The following GPC3 variants were observed in gnomAD, a reference collection of about 807,000 sequenced individuals.
GPC3 encodes the protein glypican 3.
In GPC3, 3 loss-of-function variants were observed where a neutral mutation model predicts 34.4. The observed-to-expected ratio is 0.09, with a 90% CI of 0.04 to 0.23. The LOEUF (loss-of-function observed/expected upper bound fraction) is 0.23. GPC3 is among the 10% of genes least tolerant of loss of function. The pLI is 1.00. For synonymous variants in GPC3, 177 were observed against 174.0 expected (o/e 1.02, Z -0.13); for missense variants, 351 against 445.6 (o/e 0.79, Z 1.91).
chrX:133,920,008 A>G (rs957624104), intron 2 of GPC3, among the ~76,000 whole-genome samples: 1 of 108,703 alleles, frequency 9.2e-6, no homozygotes, highest in Admixed American at 9.9e-5. Flanking sequence ...AAAAATTAAA[A>G]AAAAAAATTA....
intron 7 of GPC3, among the ~76,000 whole-genome samples, chrX:133,549,701 C>A (rs1356955042): frequency 3.3e-5 from 3 of 90,874 alleles, no homozygotes; most frequent in Non-Finnish European, 4.3e-5. Context: ...CTCCATCCTT[C>A]CCCCCTCTCC....
chrX:133,841,215 A>ATTTTTTTGTTTTTTTT (rs2075822514), intron 2 of GPC3, among the ~76,000 whole-genome samples: 1 of 39,248 alleles, frequency 2.5e-5, no homozygotes, highest in Non-Finnish European at 5.4e-5. Context: ...TAATCTTTTA[A>ATTTTTTTGTTTTTTTT]TTTTTTTTTT....
At chrX:133,767,959 C>A (rs184843195) in intron 2 of GPC3, among the ~76,000 whole-genome samples, 2 of 59,119 alleles carry the variant, frequency 3.4e-5, no homozygotes, top group Non-Finnish European at 6.3e-5. Flanking sequence ...AATAGGGTGG[C>A]GGGGTGGGGG....
chrX:133,554,595 GAGTCACCCCTGGTCACCTGCTTTGACCTA>G, intron 7 of GPC3, among the ~76,000 whole-genome samples: 1 of 110,638 alleles, frequency 9.0e-6, no homozygotes, highest in Non-Finnish European at 1.9e-5. Context: ...GCTTTGACCT[GAGTCACCCCTGGTCACCTGCTTTGACCTA>G]AGTCACCTTT....
intron 7 of GPC3, among the ~76,000 whole-genome samples, chrX:133,563,187 G>T (rs1344882983): frequency 1.8e-5 from 2 of 111,251 alleles, no homozygotes; most frequent in Non-Finnish European, 3.8e-5. Context: ...GGAAAAAAAA[G>T]GCAAGCTGAC....
chrX:133,769,901 A>G (rs2071895751), intron 2 of GPC3, among the ~76,000 whole-genome samples: 2 of 112,572 alleles, frequency 1.8e-5, no homozygotes, highest in Non-Finnish European at 3.8e-5. Flanking sequence ...ATGTAAGAGC[A>G]TACATGCAGG....
chrX:133,876,888 TGA>T (rs767114573), intron 2 of GPC3, among the ~76,000 whole-genome samples: 36 of 111,829 alleles, frequency 3.2e-4, no homozygotes, highest in Middle Eastern at 4.7e-3. Flanking sequence ...TTCCAAAAAA[TGA>T]GAGTCAACAA....
intron 3 of GPC3, among the ~76,000 whole-genome samples, chrX:133,701,658 A>G (rs1272679985): frequency 1.8e-5 from 2 of 112,085 alleles, no homozygotes; most frequent in Non-Finnish European, 3.8e-5. Context: ...TTGTGCGTCT[A>G]AGTTAGGTGA....
chrX:133,725,539 T>C (rs1185791439), intron 3 of GPC3, among the ~76,000 whole-genome samples: 1 of 111,924 alleles, frequency 8.9e-6, no homozygotes, highest in Non-Finnish European at 1.9e-5. Flanking sequence ...AACACATTGT[T>C]CCACCTGAAG....
At chrX:133,724,415 A>G (rs1225477040) in intron 3 of GPC3, among the ~76,000 whole-genome samples, 5 of 112,318 alleles carry the variant, frequency 4.5e-5, no homozygotes, top group Non-Finnish European at 1.9e-5. Context: ...TGATACCTAC[A>G]TTATAAGAAT....
chrX:133,757,815 A>G (rs772662263), intron 2 of GPC3, among the ~76,000 whole-genome samples: 88 of 112,024 alleles, frequency 7.9e-4, no homozygotes, highest in African/African-American at 2.8e-3. Context: ...CCTTAACGGA[A>G]GGAAGAAAAG....
intron 2 of GPC3, among the ~76,000 whole-genome samples, chrX:133,890,334 A>G (rs2076081067): frequency 9.0e-6 from 1 of 111,573 alleles, no homozygotes; most frequent in Admixed American, 9.6e-5. Flanking sequence ...CATTCTTTAT[A>G]TATCATCTTG....
chrX:133,719,455 T>C (rs1394219042), intron 3 of GPC3, among the ~76,000 whole-genome samples: 2 of 111,429 alleles, frequency 1.8e-5, no homozygotes, highest in Non-Finnish European at 3.8e-5. Flanking sequence ...TTTATGGCTG[T>C]ATTTTTTCAT....
At chrX:133,614,023 A>T (rs895375262) in intron 6 of GPC3, among the ~76,000 whole-genome samples, 13 of 111,568 alleles carry the variant, frequency 1.2e-4, no homozygotes, top group Non-Finnish European at 2.3e-4. Context: ...AGAATAAAAA[A>T]TCAGGGAATA....
intron 7 of GPC3, among the ~76,000 whole-genome samples, chrX:133,593,999 G>A (rs992270585): frequency 9.0e-6 from 1 of 111,272 alleles, no homozygotes; most frequent in Non-Finnish European, 1.9e-5. Context: ...GGGAGGTTGA[G>A]GCAGGAAAAT....
intron 6 of GPC3, among the ~76,000 whole-genome samples, chrX:133,609,238 A>G (rs2070082640): frequency 8.9e-6 from 1 of 112,672 alleles, no homozygotes; most frequent in African/African-American, 3.2e-5. Context: ...CTCTGAATTC[A>G]GCATGTATAG....
At chrX:133,878,139 T>A (rs962350267) in intron 2 of GPC3, among the ~76,000 whole-genome samples, 24 of 112,112 alleles carry the variant, frequency 2.1e-4, no homozygotes, top group Admixed American at 7.6e-4. Flanking sequence ...GATCATACTA[T>A]CTTTGAGGCC....
intron 2 of GPC3, among the ~76,000 whole-genome samples, chrX:133,849,142 T>G (rs1293110388): frequency 5.5e-5 from 5 of 90,233 alleles, no homozygotes; most frequent in Admixed American, 1.3e-4. Context: ...TCCCCCAGGC[T>G]GGAGTGCAGT....
intron 2 of GPC3, among the ~76,000 whole-genome samples, chrX:133,794,755 G>T (rs2075569738): frequency 8.9e-6 from 1 of 112,120 alleles, no homozygotes; most frequent in African/African-American, 3.2e-5. Flanking sequence ...CTACTAAGTG[G>T]CTGAAGATGT....
Sources: allele counts gnomAD v4.1 joint callset (sites outside exome capture counted in the v4.1 genomes callset), GRCh38; gene constraint gnomAD v4.1.1; transcripts MANE v1.5; gene names NCBI Gene and HGNC (gene_info 2026-07-23, HGNC 2026-07-21).